MOB3B: variants seen among roughly 807,000 people sequenced by gnomAD.
MOB3B encodes MOB kinase activator-like 2B.
Under a neutral mutation model 18.7 loss-of-function variants are expected in MOB3B, and 7 were observed. The observed-to-expected ratio is 0.37, with a 90% confidence interval of 0.21 to 0.70. The LOEUF (loss-of-function observed/expected upper bound fraction) is 0.70, where lower values mean the gene tolerates loss of function less well. Among genes scored for constraint, MOB3B ranks in the 30% least tolerant of loss-of-function variants. The pLI, the probability that MOB3B is intolerant of heterozygous loss-of-function variation, is 0.52. For missense variants in MOB3B, 253 were observed against 281.3 expected, an observed-to-expected ratio of 0.90 and a Z score of 0.72; for synonymous variants, 111 against 99.9, an observed-to-expected ratio of 1.11 and a Z score of -0.66.
At chr9:27,385,817 A>G (rs533587697) in intron 2 of MOB3B, among the ~76,000 whole-genome samples, 2 of 152,370 alleles carry the variant, frequency 1.3e-5, no homozygotes, top group Admixed American at 1.3e-4. Context: ...TCAAGCACCT[A>G]CTTGCTCCTT....
chr9:27,418,375 A>G (rs1345485784), intron 2 of MOB3B, among the ~76,000 whole-genome samples: 1 of 152,086 alleles, frequency 6.6e-6, no homozygotes, highest in Non-Finnish European at 1.5e-5. Flanking sequence ...AGGAAAAAAT[A>G]TAACCAAAAA....
intron 2 of MOB3B, among the ~76,000 whole-genome samples, chr9:27,404,347 CTTTTTTTTTTTTT>C (rs756275032): frequency 8.0e-5 from 6 of 75,172 alleles, no homozygotes; most frequent in African/African-American, 2.9e-4. Context: ...TTCTTTCTTT[CTTTTTTTTTTTTT>C]TTTTTTTTTT....
intron 2 of MOB3B, among the ~76,000 whole-genome samples, chr9:27,411,574 T>C (rs770308841): frequency 1.3e-5 from 2 of 152,164 alleles, no homozygotes; most frequent in Non-Finnish European, 2.9e-5. Context: ...GTCCTGAAAA[T>C]TTGAGGCACT....
At chr9:27,358,434 T>C (rs552440477) in intron 3 of MOB3B, among the ~76,000 whole-genome samples, 1 of 152,300 alleles carries the variant, frequency 6.6e-6, no homozygotes, top group African/African-American at 2.4e-5. Context: ...ACAATAACAC[T>C]AAGGATTTAA....
chr9:27,350,704 G>C (rs1821091193), intron 3 of MOB3B, among the ~76,000 whole-genome samples: 1 of 152,114 alleles, frequency 6.6e-6, no homozygotes, highest in South Asian at 2.1e-4. Flanking sequence ...CATCTGCCAA[G>C]TCTCCTAAAA....
At chr9:27,480,302 A>T (rs796190361) in intron 1 of MOB3B, among the ~76,000 whole-genome samples, 3,128 of 141,002 alleles carry the variant, frequency 0.022, 95 homozygotes, top group East Asian at 0.12. Flanking sequence ...ATGCCCAGCT[A>T]TTTTTTTTTT....
At chr9:27,386,155 G>T (rs891389226) in intron 2 of MOB3B, among the ~76,000 whole-genome samples, 5 of 152,222 alleles carry the variant, frequency 3.3e-5, no homozygotes, top group African/African-American at 1.2e-4. Context: ...TTTCGAGTCT[G>T]CCTCCCTTGC....
intron 1 of MOB3B, among the ~76,000 whole-genome samples, chr9:27,480,425 G>T (rs1158912217): frequency 6.6e-6 from 1 of 151,776 alleles, no homozygotes; most frequent in African/African-American, 2.4e-5. Context: ...TCAGCCTCCG[G>T]AGTAGCTGGG....
intron 3 of MOB3B, chr9:27,358,780 C>T (rs948575372): frequency 2.9e-6 from 2 of 688,800 alleles, no homozygotes; most frequent in Admixed American, 1.8e-5. Flanking sequence ...AAAGCTACTC[C>T]CTCTGATCCA....
chr9:27,496,426 T>A (rs905931420), intron 1 of MOB3B, among the ~76,000 whole-genome samples: 6 of 152,220 alleles, frequency 3.9e-5, no homozygotes, highest in Non-Finnish European at 7.3e-5. Context: ...ATTGGTCAGT[T>A]CAGGGCCTGC....
chr9:27,393,334 G>T (rs1821754235), intron 2 of MOB3B, among the ~76,000 whole-genome samples: 1 of 151,948 alleles, frequency 6.6e-6, no homozygotes. Context: ...TGTATAGGGT[G>T]CAGAGAAGTG....
intron 1 of MOB3B, among the ~76,000 whole-genome samples, chr9:27,522,057 A>G (rs1587276959): frequency 6.6e-6 from 1 of 151,892 alleles, no homozygotes; most frequent in African/African-American, 2.4e-5. Context: ...CGTCGCCAAC[A>G]TGGTGAAACC....
At chr9:27,447,209 A>G (rs984037427) in intron 2 of MOB3B, among the ~76,000 whole-genome samples, 4 of 152,130 alleles carry the variant, frequency 2.6e-5, no homozygotes, top group African/African-American at 9.7e-5. Context: ...TCTAGAGGCA[A>G]GGCAGGGCAC....
chr9:27,439,749 A>C (rs967686072), intron 2 of MOB3B, among the ~76,000 whole-genome samples: 3 of 152,150 alleles, frequency 2.0e-5, no homozygotes, highest in East Asian at 1.9e-4. Context: ...AAAGGTATGC[A>C]TATATGTGCC....
At chr9:27,342,016 T>G (rs376217133) in intron 3 of MOB3B, among the ~76,000 whole-genome samples, 123 of 152,376 alleles carry the variant, frequency 8.1e-4, no homozygotes, top group African/African-American at 2.8e-3. Context: ...ATGATTATTT[T>G]ATGAAATTCA....
At chr9:27,352,198 T>C (rs1821115078) in intron 3 of MOB3B, among the ~76,000 whole-genome samples, 2 of 151,938 alleles carry the variant, frequency 1.3e-5, no homozygotes, top group African/African-American at 2.4e-5. Context: ...CTGGGAAACG[T>C]AGTGAGACCC....
At chr9:27,474,302 G>A (rs985168124) in intron 1 of MOB3B, among the ~76,000 whole-genome samples, 3 of 152,098 alleles carry the variant, frequency 2.0e-5, no homozygotes, top group Admixed American at 6.5e-5. Context: ...GACTAATAAG[G>A]AAATAAATGT....
At chr9:27,514,934 A>G (rs989008258) in intron 1 of MOB3B, among the ~76,000 whole-genome samples, 3 of 152,138 alleles carry the variant, frequency 2.0e-5, no homozygotes, top group African/African-American at 7.2e-5. Context: ...AGGACATCTC[A>G]CGGTGCTCCC....
chr9:27,446,928 C>T (rs117125597), intron 2 of MOB3B, among the ~76,000 whole-genome samples: 3,822 of 152,172 alleles, frequency 0.025, 74 homozygotes, highest in Non-Finnish European at 0.037. Context: ...TAGAGCATCC[C>T]ATTTATTAAG....
Sources: gnomAD v4.1 joint callset for allele counts (sites outside exome capture counted in the v4.1 genomes callset) on GRCh38, gnomAD v4.1.1 for gene constraint, MANE v1.5 for transcripts, NCBI Gene and HGNC (gene_info 2026-07-23, HGNC 2026-07-21) for gene names.